Variants in GPAT3 observed in about 807,000 individuals in gnomAD.
GPAT3 encodes 1-AGP acyltransferase 9.
In GPAT3, 53 loss-of-function variants were observed where a neutral mutation model predicts 58.8. The observed-to-expected ratio is 0.90, with a 90% confidence interval of 0.72 to 1.13. The LOEUF (loss-of-function observed/expected upper bound fraction) is 1.13, where lower values mean the gene tolerates loss of function less well. GPAT3 is among the 50% of genes most tolerant of loss of function. GPAT3 has a pLI of 0.00. For synonymous variants in GPAT3, 197 were observed against 187.4 expected (o/e 1.05, Z -0.42); for missense variants, 511 against 527.6 (o/e 0.97, Z 0.31).
Position 83,581,824 on chromosome 4 carries a change from G to T in GPAT3, c.471G>T (p.Leu157=). ...TCATAGTGCGCTATTGTGTCCTACT[G>T]CCTCTGAGGTAAGTCATATGCCTGG... ...LGVIVRYCVL[L]PLRVTLAFIG... The change falls in exon 3 of 12, where the codon CTG becomes CTT. Residue 157 remains leucine, a synonymous_variant. Transcript: ENST00000264409. 1 of 1,608,300 alleles carries T rather than the reference G, an allele frequency of 6.2e-7. No individual in the cohort carries two copies. Among genetic ancestry groups the T allele is most frequent in the East Asian group, 2.2e-5 (1 of 44,744 alleles).
chr4:83,536,443 A>G lies in GPAT3; in HGVS notation c.-180A>G. ...GGCAGGGGCGAGGAGGAGCCCAGGG[A>G]GGAAGGAAGGATATTGCCGTAATTC... On this transcript the variant is annotated 5_prime_UTR_variant, in exon 1 of 12. Transcript: ENST00000264409. The G allele has an allele frequency of 7.1e-7, 1 of 1,409,850 alleles. No homozygotes were observed. The highest frequency in any genetic ancestry group is 1.6e-5 in the South Asian group (1 of 60,634). The allele number at this position is 1,409,850 out of a possible 1,614,324, so 87.3% of individuals were successfully genotyped here. A position where few individuals can be genotyped will look rare whatever the true frequency, so the allele number is the denominator to read the frequency against.
chr4:83,536,524 G>A lies in GPAT3; in HGVS notation c.-99G>A. The A allele has an allele frequency of 6.6e-7, 1 of 1,516,230 alleles. No individual in the cohort carries two copies. Among genetic ancestry groups the A allele is most frequent in the Non-Finnish European group, 8.8e-7 (1 of 1,134,672 alleles). The allele number at this position is 1,516,230 out of a possible 1,614,324, so 93.9% of individuals were successfully genotyped here. The stretch of plus-strand genomic sequence containing the variant: ...CGCAGAGGTGAGTGCCGGGCTCGGC[G>A]CTCTGCTCCTGGAGCTCCCGCGGGA... On this transcript the variant is annotated 5_prime_UTR_variant, in exon 1 of 12. Transcript: ENST00000264409.
intron 11 of GPAT3, among the ~76,000 whole-genome samples, chr4:83,601,354 C>T (rs1230143746): frequency 2.6e-5 from 4 of 152,256 alleles, no homozygotes; most frequent in East Asian, 1.9e-4. Context: ...TATCCATTCA[C>T]ATAGCGTGAA....
chr4:83,538,913 TG>T (rs1429143742), intron 1 of GPAT3, among the ~76,000 whole-genome samples: 2 of 152,200 alleles, frequency 1.3e-5, no homozygotes, highest in African/African-American at 2.4e-5. Flanking sequence ...GTCAAAGAGA[TG>T]CTTGATATAT....
intron 7 of GPAT3, among the ~76,000 whole-genome samples, chr4:83,596,590 C>T (rs1421672542): frequency 6.6e-6 from 1 of 151,926 alleles, no homozygotes. Context: ...CCACTGCACT[C>T]CAGCCTGGAT....
At chr4:83,600,007 T>G (rs1726996398) in intron 11 of GPAT3, among the ~76,000 whole-genome samples, 1 of 152,188 alleles carries the variant, frequency 6.6e-6, no homozygotes, top group Admixed American at 6.5e-5. Context: ...GTCTCTCTCT[T>G]TCTCAAAATA....
At chr4:83,555,277 G>A (rs1472548769) in intron 2 of GPAT3, among the ~76,000 whole-genome samples, 2 of 152,178 alleles carry the variant, frequency 1.3e-5, no homozygotes, top group African/African-American at 4.8e-5. Context: ...GGAGCTCCTG[G>A]ATAGATAGCC....
intron 2 of GPAT3, among the ~76,000 whole-genome samples, chr4:83,561,806 TAAAA>T (rs749084360): frequency 7.5e-6 from 1 of 133,190 alleles, no homozygotes; most frequent in East Asian, 2.1e-4. Context: ...CCTTTTTTGG[TAAAA>T]AAAAAAAAAA....
chr4:83,598,112 T>C lies in GPAT3; in HGVS notation c.1058T>C (p.Leu353Pro). 1 of 1,613,788 alleles carries C rather than the reference T, an allele frequency of 6.2e-7. No homozygotes were observed. The highest frequency in any genetic ancestry group is 8.5e-7 in the Non-Finnish European group (1 of 1,179,886). The change falls in exon 10 of 12, where the codon CTG becomes CCG. Residue 353 changes from leucine (L) to proline (P), a missense_variant. Transcript: ENST00000264409. Reference sequence around the variant, plus strand: ...AGTAAATACAACATGGTGAGCTACCTGCTTCGAATGATGACCAGCTGGGCC... The same window carrying C: ...AGTAAATACAACATGGTGAGCTACCCGCTTCGAATGATGACCAGCTGGGCC... ...NSSKYNMVSY[L>P]LRMMTSWAIV... is the part of the protein sequence containing the mutation.
intron 1 of GPAT3, among the ~76,000 whole-genome samples, chr4:83,537,250 AATCTT>A (rs1724132574): frequency 6.6e-6 from 1 of 152,210 alleles, no homozygotes; most frequent in Non-Finnish European, 1.5e-5. Context: ...GGCAGAAAGA[AATCTT>A]ATTTTATTTT....
intron 2 of GPAT3, among the ~76,000 whole-genome samples, chr4:83,561,167 C>T (rs1725112987): frequency 6.6e-6 from 1 of 152,148 alleles, no homozygotes; most frequent in African/African-American, 2.4e-5. Context: ...TTCTAACATC[C>T]TTTTGCAACC....
In GPAT3 at chr4:83,575,147, A is replaced by G. The variant is rs559227412; in HGVS notation, c.209-6415A>G. On this transcript the variant is annotated intron_variant, in intron 2 of 11. Coordinates refer to ENST00000264409, the MANE Select transcript of GPAT3 (RefSeq NM_032717.5). ...CGCCTCGGCCTCCCAAAGTGCTGGGATTACAGGCGTGAGCCACCGCGCCCG... is the reference window on the plus strand; with the variant it reads ...CGCCTCGGCCTCCCAAAGTGCTGGGGTTACAGGCGTGAGCCACCGCGCCCG... Among the ~76,000 whole-genome samples, 5 of 152,144 alleles carry G rather than the reference A, an allele frequency of 3.3e-5. No individual in the cohort carries two copies. In the South Asian group the frequency reaches 1.0e-3, roughly 32 times the overall value.
chr4:83,592,531 T>C (rs1283229126), intron 6 of GPAT3, among the ~76,000 whole-genome samples: 1 of 152,214 alleles, frequency 6.6e-6, no homozygotes, highest in African/African-American at 2.4e-5. Flanking sequence ...ATACAACAGA[T>C]GTTTTGATAG....
chr4:83,567,058 A>G (rs534893749), intron 2 of GPAT3, among the ~76,000 whole-genome samples: 83 of 152,198 alleles, frequency 5.5e-4, no homozygotes, highest in Non-Finnish European at 8.7e-4. Flanking sequence ...GTTCAGATAT[A>G]TAATTATTTT....
chr4:83,574,914 C>T (rs1439136368), intron 2 of GPAT3, among the ~76,000 whole-genome samples: 3 of 123,318 alleles, frequency 2.4e-5, no homozygotes, highest in African/African-American at 9.4e-5. Flanking sequence ...GTCTCGCTAT[C>T]GCCCAGGCCG....
At chr4:83,551,813 A>AAAATCTATCTGTCTATCT (rs768726930) in intron 2 of GPAT3, among the ~76,000 whole-genome samples, 1 of 102,400 alleles carries the variant, frequency 9.8e-6, no homozygotes, top group Non-Finnish European at 1.8e-5. Flanking sequence ...AAAAAAAAAA[A>AAAATCTATCTGTCTATCT]ATCTATCTAT....
intron 2 of GPAT3, among the ~76,000 whole-genome samples, chr4:83,560,050 G>C (rs541497585): frequency 2.4e-4 from 37 of 152,150 alleles, no homozygotes; most frequent in Non-Finnish European, 5.4e-4. Context: ...AGAATAGTAT[G>C]GTGGAAGCTC....
chr4:83,549,524 C>A (rs1413681712), intron 2 of GPAT3, among the ~76,000 whole-genome samples: 6 of 147,614 alleles, frequency 4.1e-5, no homozygotes, highest in Non-Finnish European at 8.9e-5. Context: ...ATGATTAATA[C>A]ATAATATATA....
At chr4:83,600,352 C>G (rs1336359579) in intron 11 of GPAT3, among the ~76,000 whole-genome samples, 2 of 152,058 alleles carry the variant, frequency 1.3e-5, no homozygotes, top group Non-Finnish European at 2.9e-5. Context: ...CCCTCATGAC[C>G]TCATCTAACC....
Sources: allele counts gnomAD v4.1 joint callset (sites outside exome capture counted in the v4.1 genomes callset), GRCh38; gene constraint gnomAD v4.1.1; transcripts MANE v1.5; gene names NCBI Gene and HGNC (gene_info 2026-07-23, HGNC 2026-07-21).